The following GNAI2 variants were observed in gnomAD, a reference collection of about 807,000 sequenced individuals.
The protein encoded by GNAI2 is guanine nucleotide-binding protein G(i) subunit alpha-2.
A neutral mutation model predicts 36.8 loss-of-function variants in GNAI2; 4 were observed. The ratio of observed to expected loss-of-function variants is 0.11; its 90% CI spans 0.05 to 0.25. The LOEUF (loss-of-function observed/expected upper bound fraction) is 0.25. Among genes scored for constraint, GNAI2 ranks in the 10% least tolerant of loss-of-function variants. The probability of loss-of-function intolerance (pLI) is 1.00; values close to 1 mark genes in which losing one functional copy is unlikely to be tolerated. For synonymous variants in GNAI2, 194 were observed against 194.1 expected (o/e 1.00, Z 0.01); for missense variants, 230 against 481.3 (o/e 0.48, Z 4.89).
At chr3:50,246,959 A>G in intron 1 of GNAI2, 1 of 1,505,028 alleles carries the variant, frequency 6.6e-7, no homozygotes, top group Non-Finnish European at 8.9e-7. Context: ...GCTCTGAATC[A>G]GCCTGTTAGC....
chr3:50,258,798 C>T lies in GNAI2; in HGVS notation c.*455C>T. ...TCCCCCAACCCCAGCCGCTCGGAGG[C>T]CCCAAAGGAAAAAGCACAAGAAGCG... On this transcript the variant is annotated 3_prime_UTR_variant, in exon 9 of 9. Transcript: ENST00000313601. 2.5e-6 allele frequency: 1 copy of T among 405,070 alleles called. No homozygotes were observed. The highest frequency in any genetic ancestry group is 3.4e-5 in the Admixed American group (1 of 29,406). The allele number at this position is 405,070 out of a possible 1,614,324, so 25.1% of individuals were successfully genotyped here.
chr3:50,236,552 G>C lies in GNAI2; in HGVS notation c.118+99G>C, dbSNP rs1178030086. 1.4e-5 allele frequency: 20 copies of C among 1,454,602 alleles called. No homozygotes were observed. Among genetic ancestry groups the C allele is most frequent in the Non-Finnish European group, 1.8e-5 (20 of 1,103,508 alleles). 90.1% of individuals were successfully genotyped at this position (1,454,602 alleles called of 1,614,324 possible). On this transcript the variant is annotated intron_variant, in intron 1 of 8. Transcript: ENST00000313601. The surrounding 1 kb of genome is among the most constrained non-coding windows in gnomAD (Gnocchi z 4.0). ...CTAGGGCTTCAAACTCCCAGACCCG[G>C]GCTGTCTGGGACCCCACACCTGGGC... is the stretch of plus-strand genomic sequence containing the variant.
chr3:50,257,374 CAT>C lies in GNAI2; in HGVS notation c.878-123_878-122del, dbSNP rs150877099. Reference sequence around the variant, plus strand: ...ATGTATGGGCAGCCACAAACATTGTCATATTATGCACATGCATGCACAGGTTG... The same window carrying C: ...ATGTATGGGCAGCCACAAACATTGTCATTATGCACATGCATGCACAGGTTG... On this transcript the variant is annotated intron_variant, in intron 7 of 8. Transcript: ENST00000313601. 516 of 667,486 alleles carry C rather than the reference CAT, an allele frequency of 7.7e-4. 5 individuals carry two copies. The East Asian group carries it at 0.012, about 16-fold the overall frequency. 41.3% of individuals were successfully genotyped at this position (667,486 alleles called of 1,614,324 possible).
At position 50,236,950 on chromosome 3, in the gene GNAI2, A is replaced by G. The variant is rs587735851; in HGVS notation, c.118+497A>G. Among the ~76,000 whole-genome samples, 8 of 152,010 alleles carry G rather than the reference A, an allele frequency of 5.3e-5. No individual in the cohort carries two copies. In the South Asian group the frequency reaches 1.5e-3, roughly 28 times the overall value. On this transcript the variant is annotated intron_variant, in intron 1 of 8. Coordinates refer to ENST00000313601, the MANE Select transcript of GNAI2 (RefSeq NM_002070.4). This position sits in a 1 kb window ranked among gnomAD's most constrained non-coding sequence, Gnocchi z 4.0. ...CTTCTGTGCCCCATCCCTAGTCTGG[A>G]ATCTGTATCCTCCACCTGTGCACTC...
Position 50,253,078 on chromosome 3 carries a change from C to T in GNAI2, c.358C>T (p.Leu120Phe), listed in dbSNP as rs587693557. The T allele has an allele frequency of 6.2e-7, 1 of 1,612,598 alleles. No individual in the cohort carries two copies. The highest frequency in any genetic ancestry group is 1.1e-5 in the South Asian group (1 of 91,064). ...LSCTAEEQGV[L>F]PDDLSGVIRR... ...CTGCACCGCCGAGGAGCAAGGCGTG[C>T]TCCCTGATGACCTGTCCGGCGTCAT... Residue 120 changes from leucine to phenylalanine, a missense_variant, in exon 4 of 9, where the codon CTC becomes TTC. Around this residue, in one of 4 missense-constraint regions of GNAI2, gnomAD observed 132 missense variants for 247.4 expected, o/e 0.53. Transcript: ENST00000313601. This position sits in a 1 kb window ranked among gnomAD's most constrained non-coding sequence, Gnocchi z 4.2.
rs1553703306 is a variant in GNAI2, at chr3:50,256,928, T to C, written c.724-9T>C. 2 of 1,614,064 alleles carry C rather than the reference T, an allele frequency of 1.2e-6. No individual in the cohort carries two copies. The highest frequency in any genetic ancestry group is 1.7e-6 in the Non-Finnish European group (2 of 1,179,948). On this transcript the variant is annotated splice_polypyrimidine_tract_variant and intron_variant, in intron 6 of 8. Coordinates refer to ENST00000313601, the MANE Select transcript of GNAI2 (RefSeq NM_002070.4). ...GTGGCTAGCGTTGACCTTGCTATTC[T>C]ACCCCCAGAACCGCATGCATGAGAG...
chr3:50,237,743 A>C (rs587668207), intron 1 of GNAI2, among the ~76,000 whole-genome samples: 1 of 139,498 alleles, frequency 7.2e-6, no homozygotes, highest in East Asian at 2.3e-4. Context: ...GCCCAGTGGC[A>C]GTCTAATTTT....
intron 1 of GNAI2, among the ~76,000 whole-genome samples, chr3:50,237,120 C>T (rs1241509376): frequency 6.6e-6 from 1 of 152,248 alleles, no homozygotes; most frequent in Non-Finnish European, 1.5e-5. Context: ...TGATCCTCCC[C>T]TAAGTCCTCT....
chr3:50,235,862 G>C (rs1553700257), upstream of GNAI2: 1 of 152,378 alleles, frequency 6.6e-6, no homozygotes, highest in East Asian at 1.9e-4. Context: ...CCCACCCTCG[G>C]GTTAACAGAT....
At position 50,255,814 on chromosome 3, in the gene GNAI2, G is replaced by A. The variant is rs953940665; in HGVS notation, c.465-378G>A. 6.6e-6 allele frequency among the ~76,000 whole-genome samples: 1 copy of A among 152,082 alleles called. No individual in the cohort carries two copies. Among genetic ancestry groups the A allele is most frequent in the Non-Finnish European group, 1.5e-5 (1 of 68,010 alleles). On this transcript the variant is annotated intron_variant, in intron 4 of 8. Transcript: ENST00000313601. The surrounding 1 kb of genome is among the most constrained non-coding windows in gnomAD (Gnocchi z 4.0). ...GCCTGTAATCCCAGCACTCTGGGAG[G>A]CCGAGGTGGGCGGATCACCTGAGGT...
At chr3:50,246,578 C>A (rs1363579844) in intron 1 of GNAI2, among the ~76,000 whole-genome samples, 1 of 152,178 alleles carries the variant, frequency 6.6e-6, no homozygotes. Flanking sequence ...GCAGTGTGGG[C>A]GGGCCTGGTG....
rs956639281 is a variant in GNAI2, at chr3:50,253,757, G to C, written c.464+573G>C. On this transcript the variant is annotated intron_variant, in intron 4 of 8. Transcript: ENST00000313601. The surrounding 1 kb of genome is among the most constrained non-coding windows in gnomAD (Gnocchi z 4.2). ...AGACTCAGAACATTTGCTGCCACCT[G>C]TTCTGTGCCAGGCTTCAAGGACACA... Among the ~76,000 whole-genome samples, 1 of 152,196 alleles carries C rather than the reference G, an allele frequency of 6.6e-6. No individual in the cohort carries two copies. Among genetic ancestry groups the C allele is most frequent in the African/African-American group, 2.4e-5 (1 of 41,442 alleles).
At position 50,253,077 on chromosome 3, in the gene GNAI2, G is replaced by A; in HGVS notation, c.357G>A (p.Val119=). Residue 119 remains valine (V), a synonymous_variant, in exon 4 of 9, where the codon GTG becomes GTA. Coordinates refer to ENST00000313601, the MANE Select transcript of GNAI2 (RefSeq NM_002070.4). This position sits in a 1 kb window ranked among gnomAD's most constrained non-coding sequence, Gnocchi z 4.2. ...CCTGCACCGCCGAGGAGCAAGGCGT[G>A]CTCCCTGATGACCTGTCCGGCGTCA... ...ALSCTAEEQG[V]LPDDLSGVIR... 1 of 1,612,586 alleles carries A rather than the reference G, an allele frequency of 6.2e-7. No individual in the cohort carries two copies. The highest frequency in any genetic ancestry group is 2.2e-5 in the East Asian group (1 of 44,804).
In GNAI2 at chr3:50,253,314, A is replaced by G. The variant is rs1700611088; in HGVS notation, c.464+130A>G. The G allele has an allele frequency of 1.7e-6, 1 of 584,750 alleles. No homozygotes were observed. Among genetic ancestry groups the G allele is most frequent in the Non-Finnish European group, 2.9e-6 (1 of 347,412 alleles). 36.2% of individuals were successfully genotyped at this position (584,750 alleles called of 1,614,324 possible). On this transcript the variant is annotated intron_variant, in intron 4 of 8. Coordinates refer to ENST00000313601, the MANE Select transcript of GNAI2 (RefSeq NM_002070.4). The surrounding 1 kb of genome is among the most constrained non-coding windows in gnomAD (Gnocchi z 4.2). The stretch of plus-strand genomic sequence containing the variant: ...CTTATGAAACCGATGACTGTTAACC[A>G]AGGCCTTCCTGTTTTTTGGTTTGGG...
At chr3:50,258,052 A>G in intron 8 of GNAI2, 1 of 204,612 alleles carries the variant, frequency 4.9e-6, no homozygotes, top group African/African-American at 2.3e-5. Context: ...CGGAAGCTGC[A>G]TGCCAGCGGA....
At chr3:50,236,187 G>A (rs1700161491), upstream of GNAI2, 1 of 1,174,100 alleles carries the variant, frequency 8.5e-7, no homozygotes, top group Non-Finnish European at 1.1e-6. This position sits in a 1 kb window ranked among gnomAD's most constrained non-coding sequence, Gnocchi z 4.0. Context: ...CGCGGCGGTA[G>A]GGAAGGCGCC....
upstream of GNAI2, among the ~76,000 whole-genome samples, chr3:50,234,306 G>A (rs1039693286): frequency 2.0e-5 from 3 of 151,050 alleles, no homozygotes; most frequent in South Asian, 2.1e-4. Flanking sequence ...GTGATCTGCC[G>A]CCTCGGCCTC....
At chr3:50,233,263 C>T (rs1700101046), upstream of GNAI2, among the ~76,000 whole-genome samples, 1 of 152,182 alleles carries the variant, frequency 6.6e-6, no homozygotes, top group African/African-American at 2.4e-5. Flanking sequence ...TGGCCTGGGG[C>T]TGGGGAAGGC....
intron 1 of GNAI2, among the ~76,000 whole-genome samples, chr3:50,248,721 C>T (rs1166064027): frequency 1.3e-5 from 2 of 152,174 alleles, no homozygotes; most frequent in Non-Finnish European, 2.9e-5. Context: ...ATTTGCTTAC[C>T]TGTCAAGTGG....
Sources: gnomAD v4.1 joint callset for allele counts (sites outside exome capture counted in the v4.1 genomes callset) on GRCh38, gnomAD v4.1.1 for gene constraint, gnomAD v4.1.1 regional missense constraint, Gnocchi (gnomAD v3.1) non-coding constraint, MANE v1.5 for transcripts, NCBI Gene and HGNC (gene_info 2026-07-23, HGNC 2026-07-21) for gene names.